The following ASTN2 variants were observed in gnomAD, a reference collection of about 807,000 sequenced individuals.
The protein encoded by ASTN2 is astrotactin-2.
A neutral mutation model predicts 139.8 loss-of-function variants in ASTN2; 54 were observed. The ratio of observed to expected loss-of-function variants is 0.39; its 90% CI spans 0.31 to 0.48. The LOEUF (loss-of-function observed/expected upper bound fraction) is 0.48, where lower values mean the gene tolerates loss of function less well. Among genes scored for constraint, ASTN2 ranks in the 20% least tolerant of loss-of-function variants. The probability of loss-of-function intolerance (pLI) is 0.95; values close to 1 mark genes in which losing one functional copy is unlikely to be tolerated. For synonymous variants in ASTN2, 756 were observed against 719.5 expected, an observed-to-expected ratio of 1.05 and a Z score of -0.81; for missense variants, 1,565 against 1,725.1, an observed-to-expected ratio of 0.91 and a Z score of 1.64.
intron 4 of ASTN2, among the ~76,000 whole-genome samples, chr9:117,118,175 A>G (rs1363366355): frequency 6.6e-6 from 1 of 152,134 alleles, no homozygotes; most frequent in Non-Finnish European, 1.5e-5. Flanking sequence ...CTTTTATAAA[A>G]CAAAAGTAAT....
chr9:117,240,458 G>A (rs1833172133), intron 2 of ASTN2, among the ~76,000 whole-genome samples: 1 of 152,158 alleles, frequency 6.6e-6, no homozygotes, highest in Non-Finnish European at 1.5e-5. Flanking sequence ...TGCTTTCAAT[G>A]GGTTACACTT....
At chr9:117,250,607 G>A (rs896639240) in intron 2 of ASTN2, among the ~76,000 whole-genome samples, 7 of 152,048 alleles carry the variant, frequency 4.6e-5, no homozygotes, top group African/African-American at 1.7e-4. Context: ...CCTACTATTA[G>A]GTTGGTACAA....
chr9:117,002,514 C>T (rs561442433), intron 7 of ASTN2, among the ~76,000 whole-genome samples: 15 of 152,076 alleles, frequency 9.9e-5, no homozygotes, highest in Non-Finnish European at 2.2e-4. Flanking sequence ...ACCAGGGTAT[C>T]CTAGAATTCA....
At chr9:116,861,318 C>T (rs561727659) in intron 11 of ASTN2, among the ~76,000 whole-genome samples, 5 of 151,456 alleles carry the variant, frequency 3.3e-5, no homozygotes, top group African/African-American at 4.9e-5. Context: ...AGAGAAGGAG[C>T]TTAATTAATT....
At chr9:117,064,364 C>A (rs1199984681) in intron 5 of ASTN2, among the ~76,000 whole-genome samples, 1 of 152,042 alleles carries the variant, frequency 6.6e-6, no homozygotes, top group African/African-American at 2.4e-5. Flanking sequence ...AGAATATCAA[C>A]ACTGGAAAAA....
At chr9:116,709,459 A>T (rs1461947465) in intron 16 of ASTN2, among the ~76,000 whole-genome samples, 1 of 152,202 alleles carries the variant, frequency 6.6e-6, no homozygotes, top group Non-Finnish European at 1.5e-5. Flanking sequence ...ATGAAACAGG[A>T]CCCAAGTCAG....
At chr9:116,801,276 G>T (rs992513725) in intron 13 of ASTN2, among the ~76,000 whole-genome samples, 7 of 152,044 alleles carry the variant, frequency 4.6e-5, no homozygotes, top group African/African-American at 1.7e-4. Flanking sequence ...GCTCAGGAAG[G>T]GAGACTTGAA....
At chr9:117,297,652 G>A (rs1057321233) in intron 1 of ASTN2, among the ~76,000 whole-genome samples, 1 of 152,202 alleles carries the variant, frequency 6.6e-6, no homozygotes, top group Non-Finnish European at 1.5e-5. Context: ...GCAAGGAATT[G>A]TTACCACCCT....
At chr9:116,462,453 T>C (rs149720387) in intron 20 of ASTN2, among the ~76,000 whole-genome samples, 222 of 152,270 alleles carry the variant, frequency 1.5e-3, no homozygotes, top group Non-Finnish European at 2.5e-3. Flanking sequence ...CCTGTCTTAA[T>C]CCATGCCATG....
chr9:117,413,797 GGGTAGAAAGGGAAGGCGGTAAC>G (rs1301499957), intron 1 of ASTN2, among the ~76,000 whole-genome samples: 1 of 152,178 alleles, frequency 6.6e-6, no homozygotes, highest in Non-Finnish European at 1.5e-5. Flanking sequence ...GCCTGGAGGT[GGGTAGAAAGGGAAGGCGGTAAC>G]GGGGGTAGAG....
intron 17 of ASTN2, among the ~76,000 whole-genome samples, chr9:116,641,139 G>A (rs1857308595): frequency 6.6e-6 from 1 of 152,138 alleles, no homozygotes; most frequent in African/African-American, 2.4e-5. Context: ...TTTATTTTAT[G>A]GTAGGAGCCA....
chr9:117,148,103 C>T (rs1057481212), intron 3 of ASTN2, among the ~76,000 whole-genome samples: 3 of 152,108 alleles, frequency 2.0e-5, no homozygotes, highest in South Asian at 2.1e-4. Flanking sequence ...AGGGTTGACC[C>T]ATGTCTCACT....
chr9:116,850,560 C>T (rs908173824), intron 11 of ASTN2, among the ~76,000 whole-genome samples: 2 of 152,146 alleles, frequency 1.3e-5, no homozygotes, highest in Non-Finnish European at 2.9e-5. Flanking sequence ...TCTGAGTTGG[C>T]TTCCACACTC....
At chr9:117,256,232 C>A (rs1483832841) in intron 2 of ASTN2, among the ~76,000 whole-genome samples, 1 of 152,116 alleles carries the variant, frequency 6.6e-6, no homozygotes, top group Non-Finnish European at 1.5e-5. Context: ...TCCTCCTATG[C>A]TTTCCAGAGA....
At chr9:116,584,915 T>C (rs1854087607) in intron 19 of ASTN2, 2 of 152,196 alleles carry the variant, frequency 1.3e-5, no homozygotes, top group Admixed American at 1.3e-4. Context: ...CCAACTCTGA[T>C]ACAGAAGAGG....
At chr9:116,697,571 T>A in intron 16 of ASTN2, 1 of 808,482 alleles carries the variant, frequency 1.2e-6, no homozygotes. Context: ...AATGACTGAA[T>A]GACTGGTCAT....
At chr9:116,437,336 C>T (rs947130220) in intron 22 of ASTN2, 1 of 471,170 alleles carries the variant, frequency 2.1e-6, no homozygotes, top group African/African-American at 2.0e-5. Flanking sequence ...GAGGCAGTTT[C>T]CTTGATTCCT....
chr9:117,029,092 T>G (rs1020909443), intron 6 of ASTN2, among the ~76,000 whole-genome samples: 8 of 152,170 alleles, frequency 5.3e-5, no homozygotes, highest in African/African-American at 1.9e-4. Flanking sequence ...TTCCCACCTG[T>G]GTAACACTAA....
At chr9:116,977,887 T>G (rs529662026) in intron 7 of ASTN2, among the ~76,000 whole-genome samples, 1 of 151,974 alleles carries the variant, frequency 6.6e-6, no homozygotes, top group South Asian at 2.1e-4. Flanking sequence ...CAGGTAATTT[T>G]TGTATTTTTG....
Sources: allele counts gnomAD v4.1 joint callset (sites outside exome capture counted in the v4.1 genomes callset), GRCh38; gene constraint gnomAD v4.1.1; transcripts MANE v1.5; gene names NCBI Gene and HGNC (gene_info 2026-07-23, HGNC 2026-07-21).